The following RBM17 variants were observed in gnomAD, a reference collection of about 807,000 sequenced individuals.
RBM17 encodes RNA binding motif protein 17, also known as splicing factor 45.
Under a neutral mutation model 53.2 loss-of-function variants are expected in RBM17, and 7 were observed. The observed-to-expected ratio is 0.13, with a 90% CI of 0.07 to 0.25. RBM17 has a LOEUF of 0.25. Ranked by LOEUF, RBM17 falls within the 10% of genes least tolerant of loss-of-function variation. The probability of loss-of-function intolerance (pLI) is 1.00; values close to 1 mark genes in which losing one functional copy is unlikely to be tolerated. For missense variants in RBM17, 257 were observed against 496.7 expected (o/e 0.52, Z 4.59); for synonymous variants, 167 against 178.1 (o/e 0.94, Z 0.50).
At chr10:6,113,231 C>T (rs190271727) in intron 8 of RBM17, 1 of 304,664 alleles carries the variant, frequency 3.3e-6, no homozygotes, top group East Asian at 7.5e-5. Flanking sequence ...CCCTGTCAGC[C>T]CTTTGGGAAG....
rs1361901322 is a variant in RBM17, at chr10:6,089,845, T to C, written c.-19+652T>C. On this transcript the variant is annotated intron_variant, in intron 1 of 11. Transcript: ENST00000379888. This position sits in a 1 kb window ranked among gnomAD's most constrained non-coding sequence, Gnocchi z 5.6. ...AGGTGGAATGAGGTTCTGCCCCTGC[T>C]TGCAGGAGTTTGGTTTCTGGGAAAG... is the stretch of plus-strand genomic sequence containing the variant. The C allele has an allele frequency of 6.6e-6, 1 of 152,274 alleles. No individual in the cohort carries two copies. The highest frequency in any genetic ancestry group is 1.9e-4 in the East Asian group (1 of 5,316). The allele number at this position is 152,274 out of a possible 1,614,324, so 9.4% of individuals were successfully genotyped here.
chr10:6,101,851 A>G (rs1297715714), intron 3 of RBM17, among the ~76,000 whole-genome samples: 1 of 152,206 alleles, frequency 6.6e-6, no homozygotes, highest in Non-Finnish European at 1.5e-5. Flanking sequence ...TTTTGCTATC[A>G]TAAACAGTGT....
chr10:6,095,477 G>A (rs897910200), intron 1 of RBM17, among the ~76,000 whole-genome samples: 6 of 152,152 alleles, frequency 3.9e-5, no homozygotes, highest in African/African-American at 1.4e-4. Context: ...GCCTCCCAAA[G>A]TGCTGGGATT....
At chr10:6,096,872 C>A in intron 1 of RBM17, 176 bp from the exon 2 acceptor site, 3 of 408,278 alleles carry the variant, frequency 7.3e-6, no homozygotes, top group South Asian at 4.7e-5. Context: ...AAAAATAATC[C>A]ATGGTCTAGC....
intron 3 of RBM17, among the ~76,000 whole-genome samples, chr10:6,101,731 C>T (rs1840672664): frequency 6.6e-6 from 1 of 152,042 alleles, no homozygotes; most frequent in Non-Finnish European, 1.5e-5. Context: ...GTGACTCTGT[C>T]AAAAAATACA....
chr10:6,106,418 T>C, intron 5 of RBM17, 180 bp downstream of exon 5: 2 of 524,718 alleles, frequency 3.8e-6, no homozygotes, highest in Non-Finnish European at 6.9e-6. Context: ...GGTTTTCATA[T>C]GTATTTTCCT....
chr10:6,104,434 A>G (rs922870462), intron 3 of RBM17, among the ~76,000 whole-genome samples: 6 of 152,252 alleles, frequency 3.9e-5, no homozygotes, highest in African/African-American at 1.2e-4. Context: ...TCAGAGGATT[A>G]GAAAGACCAA....
intron 6 of RBM17, among the ~76,000 whole-genome samples, chr10:6,109,663 T>C (rs1170589566): frequency 6.6e-6 from 1 of 152,212 alleles, no homozygotes; most frequent in African/African-American, 2.4e-5. Context: ...TTGTATCTCC[T>C]TAGAACATAC....
chr10:6,105,151 T>G, intron 4 of RBM17, 54 bp downstream of exon 4: 1 of 1,537,118 alleles, frequency 6.5e-7, no homozygotes, highest in Non-Finnish European at 8.9e-7. Context: ...TTCATTAAAA[T>G]GTTAACGAAT....
At chr10:6,103,286 G>T (rs1840697088) in intron 3 of RBM17, among the ~76,000 whole-genome samples, 1 of 152,106 alleles carries the variant, frequency 6.6e-6, no homozygotes, top group Non-Finnish European at 1.5e-5. Flanking sequence ...AGCATTGAGG[G>T]TATTAACATT....
In RBM17 at chr10:6,117,055, T is replaced by TAACAAGGACTA. The variant is rs547314988; in HGVS notation, c.*1499_*1500insAACAAGGACTA. 55,446 of 152,088 alleles carry TAACAAGGACTA rather than the reference T, an allele frequency of 0.36. 10,615 individuals carry two copies. Among genetic ancestry groups the TAACAAGGACTA allele is most frequent in the Admixed American group, 0.52 (8,005 of 15,248 alleles). The allele number at this position is 152,088 out of a possible 1,614,324, so 9.4% of individuals were successfully genotyped here. Reference sequence around the variant, plus strand: ...GTGCTTACAAGTACCGGAGTGTGCTTGTTTAATTTTAGAAACTAATGGTTC... The same window carrying TAACAAGGACTA: ...GTGCTTACAAGTACCGGAGTGTGCTTAACAAGGACTAGTTTAATTTTAGAAACTAATGGTTC... On this transcript the variant is annotated 3_prime_UTR_variant, in exon 12 of 12. Transcript: ENST00000379888.
intron 3 of RBM17, among the ~76,000 whole-genome samples, chr10:6,102,977 A>G (rs1463776694): frequency 6.6e-6 from 1 of 152,106 alleles, no homozygotes; most frequent in African/African-American, 2.4e-5. Context: ...TTTTTTGTAG[A>G]GATGAGGTTT....
At chr10:6,103,327 A>G (rs951809410) in intron 3 of RBM17, among the ~76,000 whole-genome samples, 7 of 152,158 alleles carry the variant, frequency 4.6e-5, no homozygotes, top group African/African-American at 7.2e-5. Flanking sequence ...AAATCACTTT[A>G]TTCATTGCAG....
At position 6,112,060 on chromosome 10, in the gene RBM17, A is replaced by C. The variant is rs531356708; in HGVS notation, c.705-150A>C. 1.8e-5 allele frequency: 12 copies of C among 673,602 alleles called. No individual in the cohort carries two copies. The East Asian group carries it at 3.2e-4, about 18-fold the overall frequency. The allele number at this position is 673,602 out of a possible 1,614,324, so 41.7% of individuals were successfully genotyped here. A position where few individuals can be genotyped will look rare whatever the true frequency, so the allele number is the denominator to read the frequency against. The stretch of plus-strand genomic sequence containing the variant: ...TGCACATCCCCACAGCTTCCATCTA[A>C]TAGCCCACTCCTAGTTAATGAGTGA... On this transcript the variant is annotated intron_variant, in intron 7 of 11. Transcript: ENST00000379888. The surrounding 1 kb of genome is among the most constrained non-coding windows in gnomAD (Gnocchi z 4.4).
chr10:6,104,426 A>G (rs1441911884), intron 3 of RBM17, among the ~76,000 whole-genome samples: 1 of 152,244 alleles, frequency 6.6e-6, no homozygotes, highest in East Asian at 1.9e-4. Flanking sequence ...ACATGTGTTC[A>G]GAGGATTAGA....
intron 6 of RBM17, among the ~76,000 whole-genome samples, chr10:6,109,780 A>C (rs901762172): frequency 1.3e-5 from 2 of 152,232 alleles, no homozygotes. Flanking sequence ...TAGCAAAAGG[A>C]AAGTTAGAAT....
At chr10:6,114,440 G>T in intron 10 of RBM17, 1 of 307,766 alleles carries the variant, frequency 3.2e-6, no homozygotes, top group Non-Finnish European at 6.3e-6. Context: ...ACATGCCTTT[G>T]GTTTCAGTCA....
Position 6,115,063 on chromosome 10 carries a change from G to A in RBM17, c.1030-176G>A, listed in dbSNP as rs114867975. 1.9e-3 allele frequency: 1,146 copies of A among 600,194 alleles called. 15 individuals carry two copies. The African/African-American group carries it at 0.02, about 10-fold the overall frequency. The allele number at this position is 600,194 out of a possible 1,614,324, so 37.2% of individuals were successfully genotyped here. On this transcript the variant is annotated intron_variant, in intron 10 of 11. Coordinates refer to ENST00000379888, the MANE Select transcript of RBM17 (RefSeq NM_032905.5). ...CTAACAATGCCTGTCATAAAAACAGGCATTCAGTACGTTTTTGATGATGAA... is the reference window on the plus strand; with the variant it reads ...CTAACAATGCCTGTCATAAAAACAGACATTCAGTACGTTTTTGATGATGAA...
rs544599763 is a variant in RBM17 at position 6,114,178 on chromosome 10, A to T, written c.1029+31A>T. ...AGTGTTTTCTTTTGATGTTTATAAC[A>T]CAAGTTGTAATTGGCACATTACAAA... is the stretch of plus-strand genomic sequence containing the variant. On this transcript the variant is annotated intron_variant, in intron 10 of 11. Coordinates refer to ENST00000379888, the MANE Select transcript of RBM17 (RefSeq NM_032905.5). 3.0e-5 allele frequency: 40 copies of T among 1,330,082 alleles called. No individual in the cohort carries two copies. In the East Asian group the frequency reaches 9.4e-4, roughly 31 times the overall value. 82.4% of individuals were successfully genotyped at this position (1,330,082 alleles called of 1,614,324 possible). A position where few individuals can be genotyped will look rare whatever the true frequency, so the allele number is the denominator to read the frequency against.
Sources: allele counts gnomAD v4.1 joint callset (sites outside exome capture counted in the v4.1 genomes callset), GRCh38; gene constraint gnomAD v4.1.1; non-coding constraint Gnocchi (gnomAD v3.1); transcripts MANE v1.5; gene names NCBI Gene and HGNC (gene_info 2026-07-23, HGNC 2026-07-21).